PCDHGA9: variants seen among roughly 807,000 people sequenced by gnomAD.
PCDHGA9 encodes the protein protocadherin gamma subfamily A, 9, also known as protocadherin gamma-A9.
PCDHGA9 carries 37 observed loss-of-function variants against 62.5 expected under a neutral mutation model. The observed-to-expected ratio is 0.59, with a 90% CI of 0.46 to 0.78. The LOEUF is 0.78. Among genes scored for constraint, PCDHGA9 ranks in the 30% least tolerant of loss-of-function variants. PCDHGA9 has a pLI of 0.00. For synonymous variants in PCDHGA9, 459 were observed against 484.6 expected (o/e 0.95, Z 0.69); for missense variants, 1,138 against 1,166.2 (o/e 0.98, Z 0.35).
rs2099687715 is a variant in PCDHGA9, at chr5:141,489,479, T to G, written c.2425-5328T>G. 1.2e-6 allele frequency: 2 copies of G among 1,614,090 alleles called. No individual in the cohort carries two copies. The highest frequency in any genetic ancestry group is 1.7e-6 in the Non-Finnish European group (2 of 1,180,010). ...GGGCGCTATTTTTCCCTGAGCTTGATGAGTGGTGCCCTGGCAGTGAATCAA... is the reference window on the plus strand; with the variant it reads ...GGGCGCTATTTTTCCCTGAGCTTGAGGAGTGGTGCCCTGGCAGTGAATCAA... On this transcript the variant is annotated intron_variant, in intron 1 of 3. Transcript: ENST00000573521. This position sits in a 1 kb window ranked among gnomAD's most constrained non-coding sequence, Gnocchi z 4.5.
intron 1 of PCDHGA9, among the ~76,000 whole-genome samples, chr5:141,473,719 T>C (rs998018115): frequency 6.6e-6 from 1 of 152,124 alleles, no homozygotes; most frequent in African/African-American, 2.4e-5. Context: ...CAATGGAATA[T>C]AGTGAGAGAG....
intron 1 of PCDHGA9, chr5:141,420,535 T>C (rs1322301404): frequency 6.2e-6 from 2 of 321,930 alleles, no homozygotes; most frequent in African/African-American, 4.3e-5. Flanking sequence ...CGGTTAAAAA[T>C]ATAAAATACA....
chr5:141,453,676 C>T (rs1387074223), intron 1 of PCDHGA9, among the ~76,000 whole-genome samples: 1 of 152,174 alleles, frequency 6.6e-6, no homozygotes, highest in Admixed American at 6.6e-5. Flanking sequence ...AAAGGTAACA[C>T]ACTATGTAGG....
chr5:141,472,533 C>A (rs1200612581), intron 1 of PCDHGA9, among the ~76,000 whole-genome samples: 3 of 150,970 alleles, frequency 2.0e-5, no homozygotes, highest in African/African-American at 7.3e-5. Flanking sequence ...GAGTGAGACA[C>A]CATCTCAAGA....
chr5:141,485,259 G>C lies in PCDHGA9; in HGVS notation c.2425-9548G>C. ...TTTTACCACCTGGGTTACGTTTGTGGGCAGATCCGCTACCCGGTCCCAGAG... is the reference window on the plus strand; with the variant it reads ...TTTTACCACCTGGGTTACGTTTGTGCGCAGATCCGCTACCCGGTCCCAGAG... On this transcript the variant is annotated intron_variant, in intron 1 of 3. Coordinates refer to ENST00000573521, the MANE Select transcript of PCDHGA9 (RefSeq NM_018921.3). The surrounding 1 kb of genome is among the most constrained non-coding windows in gnomAD (Gnocchi z 5.7). 1.2e-6 allele frequency: 2 copies of C among 1,614,136 alleles called. No homozygotes were observed. The highest frequency in any genetic ancestry group is 1.7e-6 in the Non-Finnish European group (2 of 1,180,002).
chr5:141,478,097 A>G lies in PCDHGA9; in HGVS notation c.2425-16710A>G, dbSNP rs757796085. Reference sequence around the variant, plus strand: ...GGAGCCTTCGCTCTCCACCACTGCTACCCTCACTGTGTCAGTAACCGAGGA... The same window carrying G: ...GGAGCCTTCGCTCTCCACCACTGCTGCCCTCACTGTGTCAGTAACCGAGGA... On this transcript the variant is annotated intron_variant, in intron 1 of 3. Transcript: ENST00000573521. 9.9e-6 allele frequency: 16 copies of G among 1,613,666 alleles called. No homozygotes were observed. Among genetic ancestry groups the G allele is most frequent in the Admixed American group, 1.7e-5 (1 of 59,970 alleles).
chr5:141,462,656 A>G (rs1427673992), intron 1 of PCDHGA9, among the ~76,000 whole-genome samples: 2 of 151,950 alleles, frequency 1.3e-5, no homozygotes, highest in African/African-American at 4.8e-5. Context: ...ATCCTCAATT[A>G]TCTTCATATT....
At chr5:141,466,965 C>A (rs1345790988) in intron 1 of PCDHGA9, among the ~76,000 whole-genome samples, 1 of 152,016 alleles carries the variant, frequency 6.6e-6, no homozygotes, top group East Asian at 1.9e-4. Context: ...CAAATATTTT[C>A]TCACAGCTCA....
At chr5:141,497,212 G>T (rs968445663) in intron 2 of PCDHGA9, among the ~76,000 whole-genome samples, 3 of 150,900 alleles carry the variant, frequency 2.0e-5, no homozygotes, top group Non-Finnish European at 3.0e-5. Context: ...AGTGTAATGG[G>T]GGGGGGAAGA....
chr5:141,473,598 T>C (rs959841516), intron 1 of PCDHGA9, among the ~76,000 whole-genome samples: 8 of 152,066 alleles, frequency 5.3e-5, no homozygotes, highest in African/African-American at 1.9e-4. Flanking sequence ...CCTGTAGAAA[T>C]TAGCAAAGCA....
At chr5:141,430,687 T>A in intron 1 of PCDHGA9, 3 of 1,399,922 alleles carry the variant, frequency 2.1e-6, no homozygotes, top group Non-Finnish European at 9.5e-7. Flanking sequence ...TGTCCCATTC[T>A]ATGGGCGAAG....
intron 1 of PCDHGA9, chr5:141,419,094 G>A (rs1241481126): frequency 2.5e-6 from 4 of 1,613,776 alleles, no homozygotes; most frequent in South Asian, 1.1e-5. Flanking sequence ...GCCCTGGATC[G>A]GGAGCAGACC....
intron 1 of PCDHGA9, among the ~76,000 whole-genome samples, chr5:141,454,924 C>T (rs1252057038): frequency 6.7e-6 from 1 of 149,858 alleles, no homozygotes; most frequent in Non-Finnish European, 1.5e-5. Context: ...TCTCCTGCCT[C>T]AGCCTCCCGA....
Position 141,493,685 on chromosome 5 carries a change from G to A in PCDHGA9, c.2425-1122G>A, listed in dbSNP as rs139973755. ...CCATGGCAGCCCCAGAATGGTGCTG[G>A]TGACTCCCGATACACCTGGAATGCT... On this transcript the variant is annotated intron_variant, in intron 1 of 3. Transcript: ENST00000573521. The surrounding 1 kb of genome is among the most constrained non-coding windows in gnomAD (Gnocchi z 4.3). 1.1e-3 allele frequency among the ~76,000 whole-genome samples: 165 copies of A among 152,282 alleles called. 3 individuals carry two copies. The highest frequency in any genetic ancestry group is 8.2e-3 in the Admixed American group (125 of 15,298).
chr5:141,457,428 C>G (rs72790053), intron 1 of PCDHGA9, among the ~76,000 whole-genome samples: 1,866 of 152,262 alleles, frequency 0.012, 18 homozygotes, highest in Non-Finnish European at 0.017. Context: ...TTTTTCCCCC[C>G]CACCAAGCTG....
chr5:141,494,914 A>G (rs906245656), intron 2 of PCDHGA9, 49 bp downstream of exon 2: 5 of 1,613,708 alleles, frequency 3.1e-6, no homozygotes, highest in Admixed American at 1.7e-5. Context: ...GCATTTTCTC[A>G]GGGATGACGT....
chr5:141,492,091 C>G (rs930375969), intron 1 of PCDHGA9, among the ~76,000 whole-genome samples: 5 of 152,242 alleles, frequency 3.3e-5, no homozygotes, highest in Non-Finnish European at 5.9e-5. Flanking sequence ...CACGCTTCGC[C>G]GGTCTGTAGA....
chr5:141,426,960 A>G, intron 1 of PCDHGA9: 1 of 456,776 alleles, frequency 2.2e-6, no homozygotes, highest in South Asian at 1.5e-5. Context: ...CACTGCTGCA[A>G]TTCAAATTGA....
chr5:141,512,866 AC>A lies in PCDHGA9; in HGVS notation c.*1694del. Reference sequence around the variant, plus strand: ...TATAAGCGCTTCTCTTCGCATAGTCACGTAGCTCCCACCCCACCCTCTTCCT... The same window carrying A: ...TATAAGCGCTTCTCTTCGCATAGTCAGTAGCTCCCACCCCACCCTCTTCCT... On this transcript the variant is annotated 3_prime_UTR_variant, in exon 4 of 4. Transcript: ENST00000573521. 1 of 152,098 alleles carries A rather than the reference AC, an allele frequency of 6.6e-6. No homozygotes were observed. Among genetic ancestry groups the A allele is most frequent in the Non-Finnish European group, 1.5e-5 (1 of 68,034 alleles). 9.4% of individuals were successfully genotyped at this position (152,098 alleles called of 1,614,324 possible).
Sources: gnomAD v4.1 joint callset for allele counts (sites outside exome capture counted in the v4.1 genomes callset) on GRCh38, gnomAD v4.1.1 for gene constraint, Gnocchi (gnomAD v3.1) non-coding constraint, MANE v1.5 for transcripts, NCBI Gene and HGNC (gene_info 2026-07-23, HGNC 2026-07-21) for gene names.